MED6: variants seen among roughly 807,000 people sequenced by gnomAD.
MED6 encodes mediator of RNA polymerase II transcription subunit 6.
A neutral mutation model predicts 37.5 loss-of-function variants in MED6; 33 were observed. That is an observed-to-expected ratio of 0.88 (90% CI 0.67 to 1.18). The LOEUF is 1.18. MED6 is among the 50% of genes most tolerant of loss of function. The pLI, the probability that MED6 is intolerant of heterozygous loss-of-function variation, is 0.00. For synonymous variants in MED6, 94 were observed against 93.6 expected, an observed-to-expected ratio of 1.00 and a Z score of -0.02; for missense variants, 235 against 290.6, an observed-to-expected ratio of 0.81 and a Z score of 1.39.
intron 1 of MED6, among the ~76,000 whole-genome samples, chr14:70,599,132 A>C (rs571504782): frequency 6.6e-6 from 1 of 152,290 alleles, no homozygotes; most frequent in South Asian, 2.1e-4. Context: ...GAAAAACTTC[A>C]ATCTCTCTTA....
chr14:70,585,196 T>C lies in MED6; in HGVS notation c.611-253A>G, dbSNP rs182348292. ...TAAGACAGTATGTAAAAACAAGATA[T>C]ATAATTATTCTAACCCAGTACCATG... On this transcript the variant is annotated intron_variant, in intron 7 of 7. Coordinates refer to ENST00000256379, the MANE Select transcript of MED6 (RefSeq NM_005466.4). 4.5e-3 allele frequency among the ~76,000 whole-genome samples: 683 copies of C among 152,330 alleles called. 5 individuals are homozygous for C. Among genetic ancestry groups the C allele is most frequent in the African/African-American group, 0.016 (658 of 41,580 alleles).
At chr14:70,588,013 T>C (rs543180842) in intron 6 of MED6, among the ~76,000 whole-genome samples, 1 of 152,260 alleles carries the variant, frequency 6.6e-6, no homozygotes, top group Admixed American at 6.5e-5. Flanking sequence ...TAAAATTGAT[T>C]AGTAGGAATA....
At chr14:70,595,245 T>C (rs1320430366) in intron 3 of MED6, 2 of 545,018 alleles carry the variant, frequency 3.7e-6, no homozygotes, top group Non-Finnish European at 7.2e-6. Flanking sequence ...GGGTTGACGA[T>C]GAAGGTAGAT....
At position 70,597,655 on chromosome 14, in the gene MED6, C is replaced by G. The variant is rs762366873; in HGVS notation, c.145G>C (p.Val49Leu). 6.5e-7 allele frequency: 1 copy of G among 1,545,286 alleles called. No homozygotes were observed. Among genetic ancestry groups the G allele is most frequent in the Non-Finnish European group, 8.7e-7 (1 of 1,153,238 alleles). The change falls in exon 2 of 8, where the codon GTG (valine) becomes CTG (leucine). Residue 49 changes from valine (V) to leucine (L), a missense_variant. Coordinates refer to ENST00000256379, the MANE Select transcript of MED6 (RefSeq NM_005466.4). ...AATGTTAGCCTCTGCATTTTGACCA[C>G]TTCATTATTACATGTTCTGTCATAA... ...PFYDRTCNNE[V>L]VKMQRLTLEH...
chr14:70,592,617 C>A, intron 5 of MED6: 1 of 271,870 alleles, frequency 3.7e-6, no homozygotes, highest in South Asian at 4.7e-5. Flanking sequence ...AGTGAGCCAC[C>A]ACACCTGGCC....
rs1200990522 is a variant in MED6 at position 70,584,208 on chromosome 14, A to G, written c.*605T>C. 2.7e-6 allele frequency: 2 copies of G among 746,516 alleles called. No individual in the cohort carries two copies. The highest frequency in any genetic ancestry group is 1.7e-5 in the African/African-American group (1 of 57,540). 46.2% of individuals were successfully genotyped at this position (746,516 alleles called of 1,614,324 possible). ...AAAGTGCATCTGAAAAATATCAGTT[A>G]TGATGAAGAAAAAAGTCATGATGAA... On this transcript the variant is annotated 3_prime_UTR_variant, in exon 8 of 8. Transcript: ENST00000256379.
In MED6 at chr14:70,583,377, C is replaced by T. The variant is rs1884604270; in HGVS notation, c.*1436G>A. On this transcript the variant is annotated 3_prime_UTR_variant, in exon 8 of 8. Transcript: ENST00000256379. ...AAATACTAAAATACCACTTTTGCTA[C>T]TTAACACTAAAAACATAAATGACAA... 6.6e-6 allele frequency: 1 copy of T among 152,178 alleles called. No individual in the cohort carries two copies. Among genetic ancestry groups the T allele is most frequent in the Non-Finnish European group, 1.5e-5 (1 of 68,032 alleles). The allele number at this position is 152,178 out of a possible 1,614,324, so 9.4% of individuals were successfully genotyped here.
intron 3 of MED6, chr14:70,594,773 G>A: frequency 1.8e-6 from 1 of 562,498 alleles, no homozygotes; most frequent in South Asian, 1.7e-5. Context: ...AGGAATGGGA[G>A]GCATCCAGAA....
intron 3 of MED6, chr14:70,594,673 C>G (rs892265368): frequency 8.8e-6 from 4 of 455,220 alleles, no homozygotes; most frequent in Admixed American, 8.1e-5. Context: ...ACCGGAGGCT[C>G]TGGTTCCCAG....
At chr14:70,596,025 A>G (rs1246421791) in intron 3 of MED6, among the ~76,000 whole-genome samples, 2 of 152,226 alleles carry the variant, frequency 1.3e-5, no homozygotes, top group South Asian at 2.1e-4. Flanking sequence ...ATGCTCCAAG[A>G]GTCCTGGTAT....
At chr14:70,587,149 T>C (rs868330378) in intron 6 of MED6, among the ~76,000 whole-genome samples, 2 of 152,316 alleles carry the variant, frequency 1.3e-5, no homozygotes, top group Middle Eastern at 3.4e-3. Context: ...ATCACACATA[T>C]GTTGCTGCAT....
Position 70,583,496 on chromosome 14 carries a change from G to A in MED6, c.*1317C>T, listed in dbSNP as rs1884607657. ...GTCCAACATTTTGAGGAACAACTTA[G>A]CAATATGGACTAAGAGCAATAAAAA... On this transcript the variant is annotated 3_prime_UTR_variant, in exon 8 of 8. Coordinates refer to ENST00000256379, the MANE Select transcript of MED6 (RefSeq NM_005466.4). 6.6e-6 allele frequency: 1 copy of A among 152,132 alleles called. No homozygotes were observed. Among genetic ancestry groups the A allele is most frequent in the Non-Finnish European group, 1.5e-5 (1 of 68,036 alleles). 9.4% of individuals were successfully genotyped at this position (152,132 alleles called of 1,614,324 possible). A position where few individuals can be genotyped will look rare whatever the true frequency, so the allele number is the denominator to read the frequency against.
At chr14:70,593,770 T>A (rs1177008917) in intron 3 of MED6, among the ~76,000 whole-genome samples, 1 of 152,192 alleles carries the variant, frequency 6.6e-6, no homozygotes, top group South Asian at 2.1e-4. Context: ...TCCCAAAAGA[T>A]GCCAATACTG....
intron 6 of MED6, among the ~76,000 whole-genome samples, chr14:70,588,310 T>G (rs1323695308): frequency 6.6e-6 from 1 of 152,100 alleles, no homozygotes; most frequent in Non-Finnish European, 1.5e-5. Flanking sequence ...TATGATGATA[T>G]AAGTATGAAT....
chr14:70,584,906 T>G lies in MED6; in HGVS notation c.648A>C (p.Glu216Asp). Residue 216 changes from glutamate (E) to aspartate (D), a missense_variant, in exon 8 of 8, where the codon GAA (glutamate) becomes GAC (aspartate). Transcript: ENST00000256379. ...QTKKEAEPIP[E>D]TVKPEEKETT... is the part of the protein sequence containing the mutation. ...TCTCCTTCTCCTCAGGTTTTACAGT[T>G]TCTGGTATAGGTTCTGCCTCTTTCT... is the stretch of plus-strand genomic sequence containing the variant. 1 of 1,614,134 alleles carries G rather than the reference T, an allele frequency of 6.2e-7. No individual in the cohort carries two copies.
At chr14:70,594,590 G>A (rs1884984671) in intron 3 of MED6, 1 of 414,218 alleles carries the variant, frequency 2.4e-6, no homozygotes, top group Non-Finnish European at 4.7e-6. Flanking sequence ...CCAACTACTG[G>A]TCCCTGGGCT....
chr14:70,584,966 T>C (rs769174860), intron 7 of MED6, 23 bp from the exon 8 acceptor site: 3 of 1,609,662 alleles, frequency 1.9e-6, no homozygotes, highest in Non-Finnish European at 2.5e-6. Flanking sequence ...AGTAGATTTT[T>C]TGGGAGGGAG....
In MED6 at chr14:70,593,379, C is replaced by T; in HGVS notation, c.275-1G>A. On this transcript the variant is annotated splice_acceptor_variant, in intron 3 of 7. Coordinates refer to ENST00000256379, the MANE Select transcript of MED6 (RefSeq NM_005466.4). LOFTEE classifies it high-confidence loss of function. ...ATATAGTAATCAGCTAGTGGGATAACTAAAACAGTGGGAAAAAAGGTTTAT... is the reference window on the plus strand; with the variant it reads ...ATATAGTAATCAGCTAGTGGGATAATTAAAACAGTGGGAAAAAAGGTTTAT... 6.2e-7 allele frequency: 1 copy of T among 1,610,528 alleles called. No individual in the cohort carries two copies. Among genetic ancestry groups the T allele is most frequent in the Non-Finnish European group, 8.5e-7 (1 of 1,177,772 alleles).
At chr14:70,595,878 T>A (rs1447280180) in intron 3 of MED6, 1 of 591,232 alleles carries the variant, frequency 1.7e-6, no homozygotes, top group Non-Finnish European at 3.0e-6. Context: ...AATAAAAAGT[T>A]CAGAGGTCAA....
Sources: gnomAD v4.1 joint callset for allele counts (sites outside exome capture counted in the v4.1 genomes callset) on GRCh38, gnomAD v4.1.1 for gene constraint, MANE v1.5 for transcripts, NCBI Gene and HGNC (gene_info 2026-07-23, HGNC 2026-07-21) for gene names.